The following POMT2 variants were observed in gnomAD, a reference collection of about 807,000 sequenced individuals.
POMT2 encodes the protein protein O-mannosyltransferase 2.
POMT2 carries 75 observed loss-of-function variants against 100.0 expected under a neutral mutation model. That is an observed-to-expected ratio of 0.75 (90% CI 0.62 to 0.91). The LOEUF (loss-of-function observed/expected upper bound fraction) is 0.91, where lower values mean the gene tolerates loss of function less well. Ranked by LOEUF, POMT2 falls within the 40% of genes least tolerant of loss-of-function variation. POMT2 has a pLI of 0.00. For missense variants in POMT2, 940 were observed against 955.1 expected, an observed-to-expected ratio of 0.98 and a Z score of 0.21; for synonymous variants, 378 against 374.1, an observed-to-expected ratio of 1.01 and a Z score of -0.12.
intron 3 of POMT2, chr14:77,306,133 AT>A (rs1002874031): frequency 1.3e-6 from 1 of 767,846 alleles, no homozygotes; most frequent in African/African-American, 1.8e-5. Context: ...TCTCTGTATT[AT>A]TTGCAGCCTC....
At chr14:77,306,222 C>A in intron 3 of POMT2, 115 bp downstream of exon 3, 2 of 1,532,338 alleles carry the variant, frequency 1.3e-6, no homozygotes, top group East Asian at 2.5e-5. Context: ...CTCTCCTCAC[C>A]ACCCAAAGTC....
rs1229291913 is a variant in POMT2 at position 77,280,078 on chromosome 14, G to GC, written c.1727dup (p.Leu577ProfsTer8). On this transcript the variant is annotated frameshift_variant and splice_region_variant, in exon 17 of 21. Coordinates refer to ENST00000261534, the MANE Select transcript of POMT2 (RefSeq NM_013382.7). LOFTEE classifies it high-confidence loss of function. ...TGTCATTGACCCCTGAGAAGCGTAG[G>GC]CCCTGTGGAATAGAGACCACCCTGC... is the stretch of plus-strand genomic sequence containing the variant. The GC allele has an allele frequency of 1.9e-6, 3 of 1,613,720 alleles. No individual in the cohort carries two copies. The highest frequency in any genetic ancestry group is 2.5e-6 in the Non-Finnish European group (3 of 1,180,022).
intron 8 of POMT2, among the ~76,000 whole-genome samples, chr14:77,297,181 C>A (rs531172988): frequency 6.6e-6 from 1 of 152,352 alleles, no homozygotes; most frequent in Admixed American, 6.5e-5. Flanking sequence ...CAGCTGTGTT[C>A]TTCTGAGTTC....
intron 4 of POMT2, among the ~76,000 whole-genome samples, chr14:77,304,022 C>T (rs2139491454): frequency 6.6e-6 from 1 of 152,274 alleles, no homozygotes; most frequent in Non-Finnish European, 1.5e-5. Context: ...AGGAAAAAGC[C>T]ACCAGTCCTC....
At chr14:77,305,287 G>A (rs1891185202) in intron 3 of POMT2, among the ~76,000 whole-genome samples, 1 of 152,156 alleles carries the variant, frequency 6.6e-6, no homozygotes, top group South Asian at 2.1e-4. Context: ...TCTACACAAT[G>A]TATGTATTTT....
chr14:77,306,232 C>A, intron 3 of POMT2, 105 bp downstream of exon 3: 1 of 1,550,056 alleles, frequency 6.5e-7, no homozygotes, highest in Non-Finnish European at 8.7e-7. Context: ...CACCCAAAGT[C>A]CCTTTATTTG....
chr14:77,301,285 T>C (rs775594607), intron 5 of POMT2, 36 bp from the exon 6 acceptor site: 2 of 1,613,330 alleles, frequency 1.2e-6, no homozygotes, highest in South Asian at 1.1e-5. Context: ...ATTTGGCAGC[T>C]GGAACCAAAG....
intron 2 of POMT2, among the ~76,000 whole-genome samples, chr14:77,309,671 A>G (rs909170262): frequency 3.3e-5 from 5 of 151,946 alleles, no homozygotes; most frequent in African/African-American, 1.2e-4. Flanking sequence ...TTGATATAAT[A>G]TTATTATATT....
intron 9 of POMT2, among the ~76,000 whole-genome samples, chr14:77,295,739 G>C (rs906110029): frequency 1.3e-5 from 2 of 151,876 alleles, no homozygotes; most frequent in Non-Finnish European, 2.9e-5. Flanking sequence ...CATCTAGTCT[G>C]GTTCCCAGGT....
Position 77,278,802 on chromosome 14 carries a change from C to T in POMT2, c.1959G>A (p.Pro653=), listed in dbSNP as rs775222771. The change falls in exon 19 of 21, where the codon CCG becomes CCA. Residue 653 remains proline, a synonymous_variant. Transcript: ENST00000261534. ...VLLGWTLHYF[P]FFLMGRVLYF... Reference sequence around the variant, plus strand: ...AGAGGACCCGGCCCATCAGGAAAAACGGGAAGTAATGGAGTGTCCAGCCGA... The same window carrying T: ...AGAGGACCCGGCCCATCAGGAAAAATGGGAAGTAATGGAGTGTCCAGCCGA... 2.0e-5 allele frequency: 32 copies of T among 1,613,658 alleles called. No individual in the cohort carries two copies. Among genetic ancestry groups the T allele is most frequent in the South Asian group, 5.5e-5 (5 of 91,088 alleles).
chr14:77,315,045 T>C (rs183243781), intron 1 of POMT2, among the ~76,000 whole-genome samples: 1 of 152,228 alleles, frequency 6.6e-6, no homozygotes, highest in Admixed American at 6.5e-5. Flanking sequence ...CTGAAGGTCA[T>C]ACACACCCAT....
chr14:77,280,446 T>C lies in POMT2; in HGVS notation c.1671A>G (p.Lys557=). The part of the protein sequence containing the change: ...MVMIRGNSGL[K]PKDNEFTSKP... The stretch of plus-strand genomic sequence containing the variant: ...TGGACGTGAACTCATTGTCCTTGGG[T>C]TTGAGGCCACTGTTCCCCTGCATGA... The change falls in exon 16 of 21, where the codon AAA becomes AAG. Residue 557 remains lysine, a synonymous_variant. Transcript: ENST00000261534. 2 of 1,614,050 alleles carry C rather than the reference T, an allele frequency of 1.2e-6. No individual in the cohort carries two copies. Among genetic ancestry groups the C allele is most frequent in the Admixed American group, 3.3e-5 (2 of 60,012 alleles).
intron 1 of POMT2, among the ~76,000 whole-genome samples, chr14:77,313,760 T>A (rs965638997): frequency 6.6e-6 from 1 of 152,172 alleles, no homozygotes; most frequent in Non-Finnish European, 1.5e-5. Context: ...CAGGCTGGAG[T>A]ACATGGACAC....
chr14:77,303,818 T>C (rs1198642072), intron 4 of POMT2, among the ~76,000 whole-genome samples: 2 of 152,242 alleles, frequency 1.3e-5, no homozygotes, highest in South Asian at 2.1e-4. Flanking sequence ...GACAGACTTA[T>C]TCATTTACTT....
chr14:77,299,534 G>T lies in POMT2; in HGVS notation c.844C>A (p.Arg282Ser). The T allele has an allele frequency of 1.9e-6, 3 of 1,614,128 alleles. No individual in the cohort carries two copies. The highest frequency in any genetic ancestry group is 2.5e-6 in the Non-Finnish European group (3 of 1,179,986). ...LVTVGKHLTA[R>S]VLCLIVLPLA... Reference sequence around the variant, plus strand: ...GGCAGCACTATGAGGCACAGGACACGAGCAGTCAGGTGTTTTCCCACAGTC... The same window carrying T: ...GGCAGCACTATGAGGCACAGGACACTAGCAGTCAGGTGTTTTCCCACAGTC... The change falls in exon 7 of 21, where the codon CGT becomes AGT. Residue 282 changes from arginine (R) to serine (S), a missense_variant. Transcript: ENST00000261534.
chr14:77,309,731 G>A (rs1398720794), intron 2 of POMT2, among the ~76,000 whole-genome samples: 1 of 152,026 alleles, frequency 6.6e-6, no homozygotes, highest in Non-Finnish European at 1.5e-5. Flanking sequence ...CGCCCAGGCT[G>A]GAGTGCAGTG....
At chr14:77,294,847 G>A (rs1259882836) in intron 9 of POMT2, among the ~76,000 whole-genome samples, 1 of 152,110 alleles carries the variant, frequency 6.6e-6, no homozygotes, top group African/African-American at 2.4e-5. Flanking sequence ...TCACTTTCTA[G>A]CAACTAAAAG....
chr14:77,286,648 C>T (rs940894682), intron 12 of POMT2, 96 bp downstream of exon 12: 5 of 1,555,970 alleles, frequency 3.2e-6, no homozygotes, highest in African/African-American at 1.4e-5. Context: ...TCCTCAGGAA[C>T]ATTCCAGAAT....
At position 77,276,555 on chromosome 14, in the gene POMT2, C is replaced by T. The variant is rs1159096945; in HGVS notation, c.*821G>A. The T allele has an allele frequency of 6.6e-6, 1 of 152,348 alleles. No homozygotes were observed. Among genetic ancestry groups the T allele is most frequent in the Non-Finnish European group, 1.5e-5 (1 of 68,098 alleles). The allele number at this position is 152,348 out of a possible 1,614,324, so 9.4% of individuals were successfully genotyped here. On this transcript the variant is annotated 3_prime_UTR_variant, in exon 21 of 21. Coordinates refer to ENST00000261534, the MANE Select transcript of POMT2 (RefSeq NM_013382.7). Reference sequence around the variant, plus strand: ...GCCAGGCTAGATGCACTTGGAGAGACCTGGCCTCTGGCACACAGGGCCTGG... The same window carrying T: ...GCCAGGCTAGATGCACTTGGAGAGATCTGGCCTCTGGCACACAGGGCCTGG...
Sources: gnomAD v4.1 joint callset for allele counts (sites outside exome capture counted in the v4.1 genomes callset) on GRCh38, gnomAD v4.1.1 for gene constraint, MANE v1.5 for transcripts, NCBI Gene and HGNC (gene_info 2026-07-23, HGNC 2026-07-21) for gene names.